Variants in SERGEF observed in about 807,000 individuals in gnomAD.
SERGEF encodes the protein secretion-regulating guanine nucleotide exchange factor.
SERGEF carries 51 observed loss-of-function variants against 50.0 expected under a neutral mutation model. The observed-to-expected ratio is 1.02, with a 90% CI of 0.81 to 1.29. The LOEUF (loss-of-function observed/expected upper bound fraction) is 1.29, where lower values mean the gene tolerates loss of function less well. SERGEF is among the 50% of genes most tolerant of loss of function. SERGEF has a pLI of 0.00. For missense variants in SERGEF, 521 were observed against 557.0 expected (o/e 0.94, Z 0.65); for synonymous variants, 205 against 212.4 (o/e 0.97, Z 0.30).
chr11:17,866,242 A>G (rs1052693519), intron 10 of SERGEF, among the ~76,000 whole-genome samples: 1 of 152,302 alleles, frequency 6.6e-6, no homozygotes, highest in Middle Eastern at 3.4e-3. Flanking sequence ...ATTTTGGGTA[A>G]TGCCTTACGG....
At chr11:18,011,473 A>T (rs929204983) in intron 1 of SERGEF, among the ~76,000 whole-genome samples, 2 of 152,186 alleles carry the variant, frequency 1.3e-5, no homozygotes, top group African/African-American at 4.8e-5. Context: ...GGAGAAACCA[A>T]ACCTACTCAC....
At chr11:17,980,006 T>G (rs1853461655) in intron 8 of SERGEF, among the ~76,000 whole-genome samples, 1 of 152,074 alleles carries the variant, frequency 6.6e-6, no homozygotes. Context: ...TCACTCAACT[T>G]CTACTCCAAT....
At chr11:17,849,590 G>A (rs1204825059) in intron 10 of SERGEF, among the ~76,000 whole-genome samples, 1 of 151,204 alleles carries the variant, frequency 6.6e-6, no homozygotes, top group Non-Finnish European at 1.5e-5. Flanking sequence ...TAGACATCTT[G>A]GTAGACTGGA....
chr11:17,905,925 C>T (rs1017575562), intron 9 of SERGEF, among the ~76,000 whole-genome samples: 2 of 152,196 alleles, frequency 1.3e-5, no homozygotes, highest in Non-Finnish European at 1.5e-5. Context: ...CCCCAGATTG[C>T]TGAGGAGGTC....
At chr11:17,806,132 C>G (rs12798190) in intron 10 of SERGEF, among the ~76,000 whole-genome samples, 11,744 of 152,192 alleles carry the variant, frequency 0.077, 522 homozygotes, top group Non-Finnish European at 0.097. Flanking sequence ...TGCACCAAAG[C>G]TGAAAACACT....
chr11:17,841,741 A>G lies in SERGEF; in HGVS notation c.1048+36467T>C, dbSNP rs191700292. 2.0e-5 allele frequency among the ~76,000 whole-genome samples: 3 copies of G among 152,322 alleles called. No individual in the cohort carries two copies. The East Asian group carries it at 5.8e-4, about 29-fold the overall frequency. ...AATAAAAAGAAAAGAAACTCTTCAC[A>G]TGGCCTGCAAGAACCTAATCTCCCC... On this transcript the variant is annotated intron_variant, in intron 10 of 10. Transcript: ENST00000265965.
intron 10 of SERGEF, chr11:17,863,442 C>G (rs552746359): frequency 6.6e-6 from 1 of 152,352 alleles, no homozygotes; most frequent in Admixed American, 6.5e-5. Flanking sequence ...CTCAACCATT[C>G]ACACTTTAGA....
intron 9 of SERGEF, among the ~76,000 whole-genome samples, chr11:17,894,346 T>C (rs943873401): frequency 4.6e-5 from 7 of 152,200 alleles, no homozygotes. Flanking sequence ...TCTAGGTACT[T>C]TTGGTGGATT....
At chr11:17,985,291 T>C (rs211119) in intron 8 of SERGEF, among the ~76,000 whole-genome samples, 144,110 of 152,318 alleles carry the variant, frequency 0.95, 68,705 homozygotes, top group East Asian at 1. Flanking sequence ...GATTCGTTCA[T>C]TTGAACATCA....
intron 10 of SERGEF, among the ~76,000 whole-genome samples, chr11:17,832,834 A>C (rs1850335126): frequency 6.6e-6 from 1 of 152,200 alleles, no homozygotes; most frequent in Non-Finnish European, 1.5e-5. Context: ...AACTTTGGAA[A>C]GAGATGATTT....
At chr11:17,907,514 A>G (rs1395181523) in intron 9 of SERGEF, among the ~76,000 whole-genome samples, 2 of 152,224 alleles carry the variant, frequency 1.3e-5, no homozygotes, top group Non-Finnish European at 2.9e-5. Flanking sequence ...CTGTGTTTAA[A>G]GATCTTCTAT....
intron 9 of SERGEF, among the ~76,000 whole-genome samples, chr11:17,911,634 C>T (rs889485518): frequency 4.0e-5 from 6 of 151,754 alleles, no homozygotes; most frequent in South Asian, 2.1e-4. Flanking sequence ...ACTACAGGTG[C>T]GCACCACCAC....
chr11:17,933,134 G>A (rs1852386385), intron 9 of SERGEF, among the ~76,000 whole-genome samples: 1 of 152,098 alleles, frequency 6.6e-6, no homozygotes, highest in African/African-American at 2.4e-5. Flanking sequence ...AAAGTCAGCT[G>A]TACTATAACA....
intron 4 of SERGEF, among the ~76,000 whole-genome samples, chr11:18,002,686 A>T (rs991956850): frequency 3.3e-5 from 5 of 152,220 alleles, no homozygotes; most frequent in African/African-American, 7.2e-5. Context: ...TAGTTCTGAC[A>T]TGGTATTACA....
intron 10 of SERGEF, among the ~76,000 whole-genome samples, 153 bp from the exon 11 acceptor site, chr11:17,788,566 T>C (rs1449145431): frequency 1.3e-5 from 2 of 151,928 alleles, no homozygotes; most frequent in Admixed American, 6.6e-5. Context: ...CCATCCCTAC[T>C]TCCTTCCCTT....
chr11:17,982,106 A>G (rs1397395890), intron 8 of SERGEF, among the ~76,000 whole-genome samples: 7 of 152,148 alleles, frequency 4.6e-5, no homozygotes. Flanking sequence ...TGCCTGGCCA[A>G]AGCAGAACTT....
chr11:17,878,648 A>G (rs1361617950), intron 9 of SERGEF, among the ~76,000 whole-genome samples: 3 of 152,244 alleles, frequency 2.0e-5, no homozygotes, highest in Non-Finnish European at 4.4e-5. Flanking sequence ...GTATGGACTG[A>G]TAAAATGAGC....
chr11:17,873,820 C>T (rs1217958107), intron 10 of SERGEF, among the ~76,000 whole-genome samples: 7 of 152,170 alleles, frequency 4.6e-5, no homozygotes, highest in Admixed American at 3.3e-4. Context: ...AGAGAGGAAA[C>T]GCAGTCAGCT....
At chr11:17,879,664 T>G (rs1459995247) in intron 9 of SERGEF, among the ~76,000 whole-genome samples, 1 of 152,218 alleles carries the variant, frequency 6.6e-6, no homozygotes. Context: ...GGTTCATCCA[T>G]GTTATTATAT....
Sources: allele counts gnomAD v4.1 joint callset (sites outside exome capture counted in the v4.1 genomes callset), GRCh38; gene constraint gnomAD v4.1.1; transcripts MANE v1.5; gene names NCBI Gene and HGNC (gene_info 2026-07-23, HGNC 2026-07-21).